Variants in ZFAT observed in about 807,000 individuals in gnomAD.
The protein encoded by ZFAT is zinc finger and AT-hook domain containing.
A neutral mutation model predicts 117.7 loss-of-function variants in ZFAT; 64 were observed. The ratio of observed to expected loss-of-function variants is 0.54; its 90% CI spans 0.44 to 0.67. ZFAT has a LOEUF of 0.67. Ranked by LOEUF, ZFAT falls within the 30% of genes least tolerant of loss-of-function variation. The probability of loss-of-function intolerance (pLI) is 0.00; values close to 1 mark genes in which losing one functional copy is unlikely to be tolerated. For missense variants in ZFAT, 1,433 were observed against 1,584.5 expected, an observed-to-expected ratio of 0.90 and a Z score of 1.62; for synonymous variants, 679 against 615.0, an observed-to-expected ratio of 1.10 and a Z score of -1.54.
intron 3 of ZFAT, among the ~76,000 whole-genome samples, chr8:134,621,803 A>G (rs1011082367): frequency 2.6e-5 from 4 of 152,222 alleles, no homozygotes; most frequent in African/African-American, 9.6e-5. Context: ...AGAGCCCTGG[A>G]AACAGCATTA....
intron 1 of ZFAT, among the ~76,000 whole-genome samples, chr8:134,688,111 G>A (rs912469896): frequency 1.3e-5 from 2 of 152,092 alleles, no homozygotes; most frequent in African/African-American, 4.8e-5. Flanking sequence ...GGATCTTGTG[G>A]TGGGGGTGTT....
intron 3 of ZFAT, among the ~76,000 whole-genome samples, chr8:134,622,018 T>C (rs1829148949): frequency 6.6e-6 from 1 of 152,240 alleles, no homozygotes; most frequent in Non-Finnish European, 1.5e-5. Context: ...AAGGTTCACA[T>C]GAGGGAACAG....
In ZFAT at chr8:134,596,676, G is replaced by T. The variant is rs140983923; in HGVS notation, c.2475+3760C>A. Reference sequence around the variant, plus strand: ...AAAAAATGCCATCAACTGATGAAATGCAGTGTATCCATGCAATGGAATATT... The same window carrying T: ...AAAAAATGCCATCAACTGATGAAATTCAGTGTATCCATGCAATGGAATATT... On this transcript the variant is annotated intron_variant, in intron 7 of 15. Transcript: ENST00000377838. Among the ~76,000 whole-genome samples the T allele has an allele frequency of 5.8e-4, 88 of 152,316 alleles. No individual in the cohort carries two copies. In the East Asian group the frequency reaches 0.011, roughly 19 times the overall value.
the ZFAT span, among the ~76,000 whole-genome samples, chr8:134,734,085 G>A: frequency 6.6e-6 from 1 of 152,224 alleles, no homozygotes; most frequent in Non-Finnish European, 1.5e-5. Flanking sequence ...TTATTAAGGG[G>A]TTTTTGCCAT....
chr8:134,762,092 T>A, the ZFAT span, among the ~76,000 whole-genome samples: 199 of 152,112 alleles, frequency 1.3e-3, 6 homozygotes, highest in East Asian at 0.035. Context: ...TTGTGGCCCA[T>A]CTTACAACAC....
chr8:134,788,974 T>G, the ZFAT span, among the ~76,000 whole-genome samples: 1 of 151,790 alleles, frequency 6.6e-6, no homozygotes, highest in African/African-American at 2.4e-5. Flanking sequence ...GTATGCCTCT[T>G]GTAAGCAACA....
chr8:134,621,602 T>C (rs920685792), intron 3 of ZFAT, among the ~76,000 whole-genome samples: 7 of 152,222 alleles, frequency 4.6e-5, no homozygotes, highest in Non-Finnish European at 8.8e-5. Context: ...TCAGCTGTCA[T>C]TGTCAGCATA....
At chr8:134,685,751 G>T (rs906703615) in intron 1 of ZFAT, among the ~76,000 whole-genome samples, 3 of 152,180 alleles carry the variant, frequency 2.0e-5, no homozygotes, top group East Asian at 1.9e-4. Context: ...CGACATATAC[G>T]TGCTAACATC....
chr8:134,559,801 C>G (rs1209899032), intron 11 of ZFAT, among the ~76,000 whole-genome samples: 1 of 152,134 alleles, frequency 6.6e-6, no homozygotes, highest in African/African-American at 2.4e-5. Context: ...TTATCATACA[C>G]TCAAAGTTAT....
At position 134,478,733 on chromosome 8, in the gene ZFAT, G is replaced by A. The variant is rs1817069833; in HGVS notation, c.3493-12C>T. The stretch of plus-strand genomic sequence containing the variant: ...TCCTCCTCGGTGACCTGCGGGAGGA[G>A]GGCAAGAGAAAGGTCACCCAGCGCC... On this transcript the variant is annotated splice_polypyrimidine_tract_variant and intron_variant, in intron 15 of 15. Transcript: ENST00000377838. The surrounding 1 kb of genome is among the most constrained non-coding windows in gnomAD (Gnocchi z 5.2). The A allele has an allele frequency of 1.9e-6, 3 of 1,546,268 alleles. No individual in the cohort carries two copies. Among genetic ancestry groups the A allele is most frequent in the East Asian group, 2.4e-5 (1 of 40,924 alleles).
chr8:134,778,528 A>G, the ZFAT span, among the ~76,000 whole-genome samples: 1 of 152,226 alleles, frequency 6.6e-6, no homozygotes, highest in African/African-American at 2.4e-5. Context: ...TCCGTTCATC[A>G]AACATACCTG....
chr8:134,675,449 A>G (rs531931200), intron 1 of ZFAT, among the ~76,000 whole-genome samples: 1 of 152,372 alleles, frequency 6.6e-6, no homozygotes, highest in South Asian at 2.1e-4. Flanking sequence ...GAAATATGGG[A>G]CTACGTGAAA....
At chr8:134,498,242 G>C (rs868764274) in intron 15 of ZFAT, among the ~76,000 whole-genome samples, 5,745 of 110,952 alleles carry the variant, frequency 0.052, 172 homozygotes, top group Admixed American at 0.11. Context: ...GTTACACACA[G>C]AGCCTGATTT....
intron 2 of ZFAT, among the ~76,000 whole-genome samples, chr8:134,637,965 C>T (rs979875254): frequency 1.3e-5 from 2 of 152,210 alleles, no homozygotes; most frequent in Non-Finnish European, 2.9e-5. Flanking sequence ...CGCTGTACAT[C>T]TTTCTCCAGC....
At chr8:134,693,379 T>C (rs1226720003) in intron 1 of ZFAT, among the ~76,000 whole-genome samples, 1 of 151,926 alleles carries the variant, frequency 6.6e-6, no homozygotes, top group Non-Finnish European at 1.5e-5. Flanking sequence ...AATTAAACAA[T>C]GAGAAAAGAT....
At chr8:134,746,383 G>T in the ZFAT span, among the ~76,000 whole-genome samples, 59,680 of 152,054 alleles carry the variant, frequency 0.39, 11,998 homozygotes, top group African/African-American at 0.46. Context: ...TGTCTAAAAC[G>T]TAGAACACCG....
chr8:134,621,248 C>G (rs1036384763), intron 3 of ZFAT, among the ~76,000 whole-genome samples: 7 of 151,304 alleles, frequency 4.6e-5, no homozygotes, highest in Admixed American at 6.6e-5. Context: ...ATTCCATCAG[C>G]AACAGTGGGT....
the ZFAT span, among the ~76,000 whole-genome samples, chr8:134,812,551 A>G: frequency 3.9e-5 from 6 of 152,228 alleles, no homozygotes; most frequent in Non-Finnish European, 7.3e-5. Context: ...CCTGGCCAAC[A>G]TGGTGAAACC....
At chr8:134,730,737 G>T in the ZFAT span, among the ~76,000 whole-genome samples, 1 of 152,278 alleles carries the variant, frequency 6.6e-6, no homozygotes, top group East Asian at 1.9e-4. Flanking sequence ...GTTTACAGAT[G>T]GGGGACCTGA....
Sources: allele counts gnomAD v4.1 joint callset (sites outside exome capture counted in the v4.1 genomes callset), GRCh38; gene constraint gnomAD v4.1.1; non-coding constraint Gnocchi (gnomAD v3.1); transcripts MANE v1.5; gene names NCBI Gene and HGNC (gene_info 2026-07-23, HGNC 2026-07-21).